Variants in ARHGAP26 observed in about 807,000 individuals in gnomAD.
ARHGAP26 encodes the protein Rho GTPase activating protein 26.
ARHGAP26 carries 38 observed loss-of-function variants against 104.8 expected under a neutral mutation model. The observed-to-expected ratio is 0.36, with a 90% CI of 0.28 to 0.48. The LOEUF is 0.48. ARHGAP26 is among the 20% of genes least tolerant of loss of function. The probability of loss-of-function intolerance (pLI) is 0.99; values close to 1 mark genes in which losing one functional copy is unlikely to be tolerated. For missense variants in ARHGAP26, 704 were observed against 947.9 expected, an observed-to-expected ratio of 0.74 and a Z score of 3.38; for synonymous variants, 341 against 340.0, an observed-to-expected ratio of 1.00 and a Z score of -0.03.
intron 4 of ARHGAP26, 96 bp from the exon 5 acceptor site, chr5:142,885,202 T>C (rs1399908151): frequency 2.0e-6 from 2 of 996,518 alleles, no homozygotes; most frequent in Admixed American, 3.9e-5. Flanking sequence ...TGAGTCGTCA[T>C]CTGTGTTCTG....
intron 1 of ARHGAP26, among the ~76,000 whole-genome samples, chr5:142,782,132 T>C (rs1757640855): frequency 6.6e-6 from 1 of 152,130 alleles, no homozygotes; most frequent in Admixed American, 6.5e-5. Context: ...AGAGTTTCCT[T>C]CTTAGGCCTT....
chr5:143,000,905 A>T (rs1777102230), intron 11 of ARHGAP26, among the ~76,000 whole-genome samples: 2 of 152,192 alleles, frequency 1.3e-5, no homozygotes, highest in African/African-American at 4.8e-5. Context: ...GAGGGAGAGC[A>T]TTAGGACAAA....
intron 17 of ARHGAP26, among the ~76,000 whole-genome samples, chr5:143,068,313 G>A (rs1163972068): frequency 6.6e-6 from 1 of 152,086 alleles, no homozygotes; most frequent in Non-Finnish European, 1.5e-5. Flanking sequence ...ATTTCTCTAG[G>A]CCATTTCTTC....
At chr5:143,129,352 G>A (rs563146009) in intron 18 of ARHGAP26, among the ~76,000 whole-genome samples, 80 of 152,236 alleles carry the variant, frequency 5.3e-4, no homozygotes, top group African/African-American at 1.7e-3. Flanking sequence ...TGTATTAGGC[G>A]TGTCAGTCCT....
At chr5:143,208,793 G>C (rs1056254242) in intron 21 of ARHGAP26, among the ~76,000 whole-genome samples, 1 of 152,236 alleles carries the variant, frequency 6.6e-6, no homozygotes, top group East Asian at 1.9e-4. Flanking sequence ...TGTCCTGGAT[G>C]ATGGGAAGGA....
intron 11 of ARHGAP26, among the ~76,000 whole-genome samples, chr5:143,006,242 T>C (rs1208625217): frequency 6.6e-6 from 1 of 151,768 alleles, no homozygotes; most frequent in Non-Finnish European, 1.5e-5. Flanking sequence ...CCTGGACACC[T>C]GAGCACACAT....
intron 22 of ARHGAP26, chr5:143,216,256 C>A: frequency 2.1e-6 from 1 of 471,286 alleles, no homozygotes; most frequent in Middle Eastern, 3.2e-4. Context: ...CCACCTCTCA[C>A]CTGGGCACTT....
intron 17 of ARHGAP26, among the ~76,000 whole-genome samples, chr5:143,115,502 G>T (rs1207896420): frequency 6.6e-6 from 1 of 151,376 alleles, no homozygotes; most frequent in Non-Finnish European, 1.5e-5. Flanking sequence ...AAGTGGAGAA[G>T]ATGCAACCTC....
At chr5:142,790,346 A>G (rs534469240) in intron 1 of ARHGAP26, among the ~76,000 whole-genome samples, 1 of 152,192 alleles carries the variant, frequency 6.6e-6, no homozygotes, top group East Asian at 1.9e-4. Context: ...CCTTTATTAA[A>G]GGAAAGACTC....
intron 17 of ARHGAP26, among the ~76,000 whole-genome samples, chr5:143,065,348 G>C (rs1162986276): frequency 6.6e-6 from 1 of 152,090 alleles, no homozygotes; most frequent in East Asian, 1.9e-4. Flanking sequence ...ATTGCATCAT[G>C]AGTGTTATCT....
At position 142,928,219 on chromosome 5, in the gene ARHGAP26, T is replaced by TTG. The variant is rs377280411; in HGVS notation, c.1029-3816_1029-3815dup. Among the ~76,000 whole-genome samples, 1,152 of 147,490 alleles carry TTG rather than the reference T, an allele frequency of 7.8e-3. 15 individuals are homozygous for TTG. The highest frequency in any genetic ancestry group is 0.026 in the African/African-American group (1,021 of 38,770). On this transcript the variant is annotated intron_variant, in intron 10 of 22. Coordinates refer to ENST00000645722, the MANE Select transcript of ARHGAP26 (RefSeq NM_001135608.3). ...ATTTTTTCTTTATGATTAGGACTTT[T>TTG]TGTGTGTGTGTGTTTTTTTTTTTTT... is the stretch of plus-strand genomic sequence containing the variant.
chr5:142,886,243 T>A (rs1307336001), intron 5 of ARHGAP26, among the ~76,000 whole-genome samples: 1 of 152,204 alleles, frequency 6.6e-6, no homozygotes, highest in Non-Finnish European at 1.5e-5. Context: ...TTTTTTAAAA[T>A]TTTAATTCTT....
At chr5:142,863,377 G>A (rs1040616338) in intron 1 of ARHGAP26, among the ~76,000 whole-genome samples, 1 of 152,190 alleles carries the variant, frequency 6.6e-6, no homozygotes, top group African/African-American at 2.4e-5. Context: ...AGAGTGCTGG[G>A]ATTACAGGCG....
At chr5:142,833,173 C>G (rs975187231) in intron 1 of ARHGAP26, among the ~76,000 whole-genome samples, 1 of 151,744 alleles carries the variant, frequency 6.6e-6, no homozygotes, top group Admixed American at 6.6e-5. Context: ...CCTGCCTCAG[C>G]CTCCCGAGTA....
At chr5:143,055,961 C>A in intron 15 of ARHGAP26, 67 bp from the exon 16 acceptor site, 1 of 1,109,086 alleles carries the variant, frequency 9.0e-7, no homozygotes, top group Non-Finnish European at 1.3e-6. Flanking sequence ...AGTCTCTAGG[C>A]TGCTATTTAG....
rs1762070942 is a variant in ARHGAP26, at chr5:142,913,283, G to A, written c.1018G>A (p.Ala340Thr). 1 of 1,613,964 alleles carries A rather than the reference G, an allele frequency of 6.2e-7. No individual in the cohort carries two copies. Among genetic ancestry groups the A allele is most frequent in the Non-Finnish European group, 8.5e-7 (1 of 1,179,922 alleles). Residue 340 changes from alanine (A) to threonine (T), a missense_variant, in exon 10 of 23, where the codon GCA becomes ACA. Coordinates refer to ENST00000645722, the MANE Select transcript of ARHGAP26 (RefSeq NM_001135608.3). ...GAAGAGGTTTTGCTTTGATGTGGAAGCAGTAGACAGGTGAGTAGCTAGCAT... is the reference window on the plus strand; with the variant it reads ...GAAGAGGTTTTGCTTTGATGTGGAAACAGTAGACAGGTGAGTAGCTAGCAT... ...IEKRFCFDVEAVDRPGVITMQ... is the reference protein window; with the variant it reads ...IEKRFCFDVETVDRPGVITMQ...
chr5:142,928,989 G>A (rs1764326243), intron 10 of ARHGAP26, among the ~76,000 whole-genome samples: 1 of 152,144 alleles, frequency 6.6e-6, no homozygotes, highest in Non-Finnish European at 1.5e-5. Flanking sequence ...CCGGGCTGGA[G>A]TGCAGTGGCA....
At chr5:142,948,200 AT>A in intron 11 of ARHGAP26, among the ~76,000 whole-genome samples, 1 of 152,190 alleles carries the variant, frequency 6.6e-6, no homozygotes, top group East Asian at 1.9e-4. Flanking sequence ...CAGAAACCAT[AT>A]ACTAAATGTC....
chr5:142,967,032 A>G (rs931923276), intron 11 of ARHGAP26, among the ~76,000 whole-genome samples: 1 of 152,232 alleles, frequency 6.6e-6, no homozygotes, highest in Non-Finnish European at 1.5e-5. Context: ...GATACCACAC[A>G]TAGACACACA....
Sources: allele counts gnomAD v4.1 joint callset (sites outside exome capture counted in the v4.1 genomes callset), GRCh38; gene constraint gnomAD v4.1.1; transcripts MANE v1.5; gene names NCBI Gene and HGNC (gene_info 2026-07-23, HGNC 2026-07-21).